The following SLCO1A2 variants were observed in gnomAD, a reference collection of about 807,000 sequenced individuals.
SLCO1A2 encodes the protein OATP-1.
Under a neutral mutation model 69.0 loss-of-function variants are expected in SLCO1A2, and 67 were observed. That is an observed-to-expected ratio of 0.97 (90% CI 0.80 to 1.19). The LOEUF (loss-of-function observed/expected upper bound fraction) is 1.19, where lower values mean the gene tolerates loss of function less well. Among genes scored for constraint, SLCO1A2 ranks in the 50% most tolerant of loss-of-function variants. The pLI, the probability that SLCO1A2 is intolerant of heterozygous loss-of-function variation, is 0.00. For synonymous variants in SLCO1A2, 260 were observed against 265.9 expected (o/e 0.98, Z 0.22); for missense variants, 787 against 793.7 (o/e 0.99, Z 0.10).
At chr12:21,378,392 TAAAG>T (rs1178399780) in intron 1 of SLCO1A2, 4 of 1,614,010 alleles carry the variant, frequency 2.5e-6, no homozygotes, top group Non-Finnish European at 3.4e-6. Context: ...GTAGAGGTTT[TAAAG>T]AGAGAGCCAC....
chr12:21,398,095 T>G (rs1194582906), upstream of SLCO1A2, among the ~76,000 whole-genome samples: 139 of 141,008 alleles, frequency 9.9e-4, 1 homozygote, highest in African/African-American at 3.4e-3. Flanking sequence ...GCTGGTTTTT[T>G]GAAAGGATCA....
intron 1 of SLCO1A2, among the ~76,000 whole-genome samples, chr12:21,374,909 G>A (rs2137100017): frequency 6.6e-6 from 1 of 151,894 alleles, no homozygotes; most frequent in South Asian, 2.1e-4. Flanking sequence ...GACATTCTAG[G>A]CTCAGGTGAT....
intron 2 of SLCO1A2, among the ~76,000 whole-genome samples, chr12:21,351,247 A>G (rs971831477): frequency 2.0e-5 from 3 of 152,222 alleles, no homozygotes; most frequent in African/African-American, 7.2e-5. Context: ...AGGTACAAGC[A>G]TGGAGGTCAC....
intron 2 of SLCO1A2, among the ~76,000 whole-genome samples, chr12:21,372,070 A>G (rs968340812): frequency 1.5e-4 from 23 of 152,268 alleles, no homozygotes; most frequent in Non-Finnish European, 1.8e-4. Flanking sequence ...TTTGGAGAAA[A>G]TTTTAAAAAG....
chr12:21,409,720 T>C (rs148303444), intron 1 of SLCO1A2, among the ~76,000 whole-genome samples: 1 of 152,288 alleles, frequency 6.6e-6, no homozygotes, highest in African/African-American at 2.4e-5. Flanking sequence ...ACATCTACCA[T>C]TCTTGTCTTT....
At chr12:21,403,481 T>A (rs543818480) in intron 1 of SLCO1A2, 60 of 152,254 alleles carry the variant, frequency 3.9e-4, no homozygotes, top group African/African-American at 1.2e-3. Context: ...ACAGATTTTT[T>A]AAAAAATTAC....
chr12:21,396,883 G>A (rs1211974273), upstream of SLCO1A2, among the ~76,000 whole-genome samples: 6 of 152,044 alleles, frequency 3.9e-5, no homozygotes, highest in Non-Finnish European at 5.9e-5. Context: ...CACTAAACAT[G>A]GAAAGGAACG....
rs570329089 is a variant in SLCO1A2 at position 21,361,893 on chromosome 12, T to C, written c.-63+12506A>G. 4.6e-5 allele frequency among the ~76,000 whole-genome samples: 7 copies of C among 152,204 alleles called. No homozygotes were observed. The South Asian group carries it at 8.3e-4, about 18-fold the overall frequency. ...AAAGCCTCCAAGAAATATGGGACTA[T>C]GTGAAAAGACCAAATCTACGTCTGA... is the stretch of plus-strand genomic sequence containing the variant. On this transcript the variant is annotated intron_variant, in intron 2 of 15. Transcript: ENST00000307378.
intron 1 of SLCO1A2, among the ~76,000 whole-genome samples, chr12:21,416,366 AC>A (rs1941988741): frequency 6.6e-6 from 1 of 151,764 alleles, no homozygotes. Flanking sequence ...GCACACACAC[AC>A]ACACACACAC....
chr12:21,386,251 T>A (rs918902166), intron 1 of SLCO1A2, among the ~76,000 whole-genome samples: 10 of 152,318 alleles, frequency 6.6e-5, no homozygotes, highest in African/African-American at 2.4e-4. Context: ...TGGCTTATTT[T>A]TGCTTCAGTT....
intron 1 of SLCO1A2, among the ~76,000 whole-genome samples, chr12:21,400,888 G>GA (rs1491260405): frequency 2.6e-5 from 2 of 77,720 alleles, no homozygotes; most frequent in Non-Finnish European, 4.7e-5. Flanking sequence ...GGGGTGGGGG[G>GA]AGGGGGGAGG....
At chr12:21,295,005 C>A (rs541821539) in intron 10 of SLCO1A2, 1 of 152,054 alleles carries the variant, frequency 6.6e-6, no homozygotes, top group African/African-American at 2.4e-5. Context: ...ATACGCCCTA[C>A]AGGTGAATTC....
At chr12:21,369,367 G>A (rs942982468) in intron 2 of SLCO1A2, among the ~76,000 whole-genome samples, 6 of 152,188 alleles carry the variant, frequency 3.9e-5, no homozygotes, top group East Asian at 3.9e-4. Context: ...CACTGACATC[G>A]TCTGCTAATA....
chr12:21,355,298 T>C (rs1200701703), intron 2 of SLCO1A2, among the ~76,000 whole-genome samples: 1 of 152,130 alleles, frequency 6.6e-6, no homozygotes, highest in African/African-American at 2.4e-5. Flanking sequence ...GAAGTATGGC[T>C]TTATCCTGAA....
chr12:21,392,650 T>C (rs1941219930), intron 1 of SLCO1A2, among the ~76,000 whole-genome samples: 1 of 152,216 alleles, frequency 6.6e-6, no homozygotes, highest in Non-Finnish European at 1.5e-5. Context: ...TCTCTACCTC[T>C]ACAACCTGTT....
At chr12:21,280,710 C>G (rs1260264831) in intron 12 of SLCO1A2, among the ~76,000 whole-genome samples, 1 of 144,882 alleles carries the variant, frequency 6.9e-6, no homozygotes, top group African/African-American at 2.6e-5. Flanking sequence ...AACAAAGAAA[C>G]ATTGGATTTC....
chr12:21,378,418 C>T (rs766199373), intron 1 of SLCO1A2: 3 of 1,612,192 alleles, frequency 1.9e-6, no homozygotes, highest in Non-Finnish European at 2.5e-6. Flanking sequence ...GAATTACTTG[C>T]CCCTTTAGAG....
Position 21,275,439 on chromosome 12 carries a change from A to G in SLCO1A2, c.1611-15T>C. 1.4e-6 allele frequency: 2 copies of G among 1,438,146 alleles called. No homozygotes were observed. Among genetic ancestry groups the G allele is most frequent in the Non-Finnish European group, 1.9e-6 (2 of 1,077,634 alleles). The allele number at this position is 1,438,146 out of a possible 1,614,324, so 89.1% of individuals were successfully genotyped here. ...ATTTCATACACCTGAAAAGTAAATA[A>G]GTTTGTAAATAAAAGAAAAATAAAG... On this transcript the variant is annotated splice_polypyrimidine_tract_variant and intron_variant, in intron 12 of 14. Transcript: ENST00000683939.
At chr12:21,336,598 A>G (rs1952899123), upstream of SLCO1A2, among the ~76,000 whole-genome samples, 1 of 152,026 alleles carries the variant, frequency 6.6e-6, no homozygotes, top group African/African-American at 2.4e-5. Context: ...AATATTTTAT[A>G]TTTTCAGATA....
Sources: gnomAD v4.1 joint callset for allele counts (sites outside exome capture counted in the v4.1 genomes callset) on GRCh38, gnomAD v4.1.1 for gene constraint, MANE v1.5 for transcripts, NCBI Gene and HGNC (gene_info 2026-07-23, HGNC 2026-07-21) for gene names.